Variants in SORL1 observed in about 807,000 individuals in gnomAD.
SORL1 encodes sortilin related receptor 1, also known as sortilin-related receptor.
SORL1 carries 127 observed loss-of-function variants against 273.7 expected under a neutral mutation model. The ratio of observed to expected loss-of-function variants is 0.46; its 90% CI spans 0.40 to 0.54. The LOEUF (loss-of-function observed/expected upper bound fraction) is 0.54, where lower values mean the gene tolerates loss of function less well. Ranked by LOEUF, SORL1 falls within the 20% of genes least tolerant of loss-of-function variation. The pLI is 0.00. For synonymous variants in SORL1, 1,031 were observed against 1,067.4 expected (o/e 0.97, Z 0.66); for missense variants, 2,494 against 2,846.1 (o/e 0.88, Z 2.81).
chr11:121,539,126 C>T (rs567557388), intron 12 of SORL1, among the ~76,000 whole-genome samples: 2 of 152,226 alleles, frequency 1.3e-5, no homozygotes, highest in African/African-American at 2.4e-5. Flanking sequence ...TCAAACCATA[C>T]GTCAGCACTC....
chr11:121,615,108 C>T (rs1863621425), intron 41 of SORL1, 53 bp downstream of exon 41: 1 of 1,410,910 alleles, frequency 7.1e-7, no homozygotes, highest in South Asian at 1.4e-5. Flanking sequence ...TCCCCTAATG[C>T]TACGCCACCA....
At chr11:121,562,656 GA>G (rs1862695710) in intron 21 of SORL1, among the ~76,000 whole-genome samples, 1 of 152,110 alleles carries the variant, frequency 6.6e-6, no homozygotes, top group African/African-American at 2.4e-5. Flanking sequence ...TTTACTTCAT[GA>G]TGACCCTACA....
intron 6 of SORL1, among the ~76,000 whole-genome samples, chr11:121,505,342 T>G (rs1276291678): frequency 6.6e-6 from 1 of 152,074 alleles, no homozygotes; most frequent in Non-Finnish European, 1.5e-5. Context: ...CTTTTTTTCT[T>G]GGTAAGTCTA....
chr11:121,456,007 A>G (rs1183454470), intron 1 of SORL1, among the ~76,000 whole-genome samples: 1 of 152,024 alleles, frequency 6.6e-6, no homozygotes, highest in Admixed American at 6.5e-5. Flanking sequence ...AAAAAAAAAA[A>G]AAGGCAAAGT....
At position 121,557,375 on chromosome 11, in the gene SORL1, C is replaced by T; in HGVS notation, c.2633C>T (p.Pro878Leu). ...GTCAATTCCTCTGTGCTTGATCGTC[C>T]CAGGGCTCTGGTCCTCGTGCCCCAA... The part of the protein sequence containing the change: ...TIVNSSVLDR[P>L]RALVLVPQEG... Residue 878 changes from proline to leucine, a missense_variant, in exon 19 of 48, where the codon CCC (proline) becomes CTC (leucine). Transcript: ENST00000260197. 1 of 1,614,124 alleles carries T rather than the reference C, an allele frequency of 6.2e-7. No individual in the cohort carries two copies. Among genetic ancestry groups the T allele is most frequent in the Non-Finnish European group, 8.5e-7 (1 of 1,179,998 alleles).
At chr11:121,591,251 G>A (rs1863210679) in intron 31 of SORL1, 95 bp downstream of exon 31, 5 of 1,346,450 alleles carry the variant, frequency 3.7e-6, no homozygotes, top group Admixed American at 1.7e-5. Context: ...CGGGCCCCAT[G>A]CCCTGCTGTC....
In SORL1 at chr11:121,627,284, GA is replaced by G; in HGVS notation, c.6365-270del. The G allele has an allele frequency of 2.2e-6, 1 of 458,514 alleles. No homozygotes were observed. Among genetic ancestry groups the G allele is most frequent in the Non-Finnish European group, 3.9e-6 (1 of 255,004 alleles). The allele number at this position is 458,514 out of a possible 1,614,324, so 28.4% of individuals were successfully genotyped here. A position where few individuals can be genotyped will look rare whatever the true frequency, so the allele number is the denominator to read the frequency against. On this transcript the variant is annotated intron_variant, in intron 46 of 47. Transcript: ENST00000260197. The surrounding 1 kb of genome is among the most constrained non-coding windows in gnomAD (Gnocchi z 4.9). ...ACCCCAACAAAGGTCTCCCTTCCAA[GA>G]GATTATCTAAATAACCAACAAGGCA... is the stretch of plus-strand genomic sequence containing the variant.
rs1211932268 is a variant in SORL1, at chr11:121,532,567, T to G, written c.1685+15T>G. On this transcript the variant is annotated intron_variant, in intron 12 of 47. Coordinates refer to ENST00000260197, the MANE Select transcript of SORL1 (RefSeq NM_003105.6). ...AACGAGCTAAAGTAAGTGTCTCTGATGAGGCCTTTTAACATCAAACTTTCT... is the reference window on the plus strand; with the variant it reads ...AACGAGCTAAAGTAAGTGTCTCTGAGGAGGCCTTTTAACATCAAACTTTCT... 1.9e-6 allele frequency: 3 copies of G among 1,606,382 alleles called. No individual in the cohort carries two copies. The African/African-American group carries it at 4.0e-5, about 21-fold the overall frequency.
At chr11:121,557,222 T>A in intron 18 of SORL1, 92 bp from the exon 19 acceptor site, 1 of 910,332 alleles carries the variant, frequency 1.1e-6, no homozygotes, top group Non-Finnish European at 1.8e-6. Flanking sequence ...AGGGGGCATG[T>A]CTGTAGCAGA....
chr11:121,503,372 C>G (rs1054504303), intron 6 of SORL1, among the ~76,000 whole-genome samples: 1 of 151,922 alleles, frequency 6.6e-6, no homozygotes, highest in Non-Finnish European at 1.5e-5. Flanking sequence ...TATTTACCTT[C>G]ATTCTTTTGC....
In SORL1 at chr11:121,558,804, C is replaced by A; in HGVS notation, c.2877C>A (p.Asn959Lys). 2 of 1,614,156 alleles carry A rather than the reference C, an allele frequency of 1.2e-6. No homozygotes were observed. Among genetic ancestry groups the A allele is most frequent in the Non-Finnish European group, 1.7e-6 (2 of 1,180,026 alleles). ...AGCAGCGCTCTGTCATTCTGGACAA[C>A]CTCCCGCACCCCTATGCCATTGCTG... is the stretch of plus-strand genomic sequence containing the variant. ...SGQQRSVILD[N>K]LPHPYAIAVF... The change falls in exon 20 of 48, where the codon AAC (asparagine) becomes AAA (lysine). Residue 959 changes from asparagine (N) to lysine (K), a missense_variant. Physicochemically the swap from Asn to Lys is moderately conservative, Grantham distance 94 (BLOSUM62 0). Transcript: ENST00000260197.
intron 4 of SORL1, 60 bp from the exon 5 acceptor site, chr11:121,489,983 G>T: frequency 8.1e-7 from 1 of 1,233,960 alleles, no homozygotes; most frequent in South Asian, 1.2e-5. Flanking sequence ...GTGTTTGATG[G>T]TGATGCCATT....
chr11:121,485,950 C>G (rs899727625), intron 3 of SORL1, among the ~76,000 whole-genome samples: 1 of 152,140 alleles, frequency 6.6e-6, no homozygotes, highest in Admixed American at 6.6e-5. Context: ...CAAAATATGT[C>G]CCTGGGAAGT....
intron 33 of SORL1, among the ~76,000 whole-genome samples, 178 bp downstream of exon 33, chr11:121,604,502 C>G (rs1255637840): frequency 6.6e-6 from 1 of 152,056 alleles, no homozygotes; most frequent in African/African-American, 2.4e-5. Flanking sequence ...TGGCCAGACT[C>G]TGATACAACA....
rs1452684273 is a variant in SORL1, at chr11:121,452,346, C to A, written c.15C>A (p.Ser5Arg). 2.6e-6 allele frequency: 4 copies of A among 1,552,686 alleles called. No homozygotes were observed. Among genetic ancestry groups the A allele is most frequent in the Non-Finnish European group, 3.5e-6 (4 of 1,154,022 alleles). Reference sequence around the variant, plus strand: ...TTCGCCCGAACATGGCGACACGGAGCAGCAGGAGGGAGTCGCGACTCCCGT... The same window carrying A: ...TTCGCCCGAACATGGCGACACGGAGAAGCAGGAGGGAGTCGCGACTCCCGT... MATR[S>R]SRRESRLPFL... Residue 5 changes from serine to arginine, a missense_variant, in exon 1 of 48, where the codon AGC becomes AGA. Physicochemically the swap from Ser to Arg is moderately radical, Grantham distance 110. Around this residue, in one of 3 missense-constraint regions of SORL1, gnomAD observed 175 missense variants for 147.1 expected, o/e 1.19. Coordinates refer to ENST00000260197, the MANE Select transcript of SORL1 (RefSeq NM_003105.6). The surrounding 1 kb of genome is among the most constrained non-coding windows in gnomAD (Gnocchi z 5.3).
intron 46 of SORL1, chr11:121,626,239 G>C (rs1288979463): frequency 6.6e-6 from 1 of 152,190 alleles, no homozygotes; most frequent in Non-Finnish European, 1.5e-5. Context: ...ATGGAACCAA[G>C]GTTGTCAGGC....
At chr11:121,541,169 G>T (rs1256164241) in intron 12 of SORL1, among the ~76,000 whole-genome samples, 4 of 151,354 alleles carry the variant, frequency 2.6e-5, no homozygotes, top group Non-Finnish European at 5.9e-5. Flanking sequence ...AACCCTACCA[G>T]TTGGTTTAAC....
At chr11:121,572,060 T>A (rs1862852472) in intron 23 of SORL1, among the ~76,000 whole-genome samples, 1 of 152,140 alleles carries the variant, frequency 6.6e-6, no homozygotes, top group South Asian at 2.1e-4. Flanking sequence ...AATTAACAAG[T>A]TACAAGGAAA....
chr11:121,560,321 A>T (rs1404187380), intron 21 of SORL1, among the ~76,000 whole-genome samples: 1 of 152,170 alleles, frequency 6.6e-6, no homozygotes, highest in African/African-American at 2.4e-5. Context: ...TGTCTTAGAG[A>T]TCTACTGGGT....
Sources: allele counts gnomAD v4.1 joint callset (sites outside exome capture counted in the v4.1 genomes callset), GRCh38; gene constraint gnomAD v4.1.1; regional missense constraint gnomAD v4.1.1; non-coding constraint Gnocchi (gnomAD v3.1); transcripts MANE v1.5; gene names NCBI Gene and HGNC (gene_info 2026-07-23, HGNC 2026-07-21).